The following EYS variants were observed in gnomAD, a reference collection of about 807,000 sequenced individuals.
EYS encodes EGF-like photoreceptor maintenance factor.
A neutral mutation model predicts 282.1 loss-of-function variants in EYS; 250 were observed. That is an observed-to-expected ratio of 0.89 (90% CI 0.80 to 0.98). The LOEUF (loss-of-function observed/expected upper bound fraction) is 0.98, where lower values mean the gene tolerates loss of function less well. Among genes scored for constraint, EYS ranks in the 50% least tolerant of loss-of-function variants. The pLI, the probability that EYS is intolerant of heterozygous loss-of-function variation, is 0.00. For synonymous variants in EYS, 1,355 were observed against 1,282.9 expected, an observed-to-expected ratio of 1.06 and a Z score of -1.20; for missense variants, 4,016 against 3,709.0, an observed-to-expected ratio of 1.08 and a Z score of -2.15.
At chr6:64,092,766 C>A (rs535519357) in intron 31 of EYS, among the ~76,000 whole-genome samples, 31 of 151,444 alleles carry the variant, frequency 2.0e-4, no homozygotes, top group Non-Finnish European at 2.2e-4. Flanking sequence ...AATTAGATCC[C>A]ATTTGTCAAT....
intron 8 of EYS, among the ~76,000 whole-genome samples, chr6:65,365,428 T>G (rs1362088829): frequency 6.6e-6 from 1 of 151,596 alleles, no homozygotes; most frequent in Non-Finnish European, 1.5e-5. Flanking sequence ...CTCCTGTATC[T>G]CCCCCTGTGT....
Position 64,626,174 on chromosome 6 carries a change from T to C in EYS, c.3515A>G (p.His1172Arg). 3.2e-6 allele frequency: 5 copies of C among 1,545,258 alleles called. No individual in the cohort carries two copies. The highest frequency in any genetic ancestry group is 4.4e-6 in the Non-Finnish European group (5 of 1,145,380). ...INECSSSPCL[H>R]GADCEDHING... ...GATGTGATCTTCACAGTCTGCACCATGTAGACATGGTGATGAAGAGCATTC... is the reference window on the plus strand; with the variant it reads ...GATGTGATCTTCACAGTCTGCACCACGTAGACATGGTGATGAAGAGCATTC... Residue 1172 changes from histidine to arginine, a missense_variant, in exon 23 of 43, where the codon CAT becomes CGT. Physicochemically the swap from His to Arg is conservative, Grantham distance 29 (BLOSUM62 0). Coordinates refer to ENST00000503581, the MANE Select transcript of EYS (RefSeq NM_001142800.2).
rs185371095 is a variant in EYS, at chr6:64,230,812, A to G, written c.6204T>C (p.Phe2068=). 1 of 1,543,456 alleles carries G rather than the reference A, an allele frequency of 6.5e-7. No homozygotes were observed. Among genetic ancestry groups the G allele is most frequent in the Admixed American group, 2.0e-5 (1 of 50,900 alleles). The part of the protein sequence containing the change: ...YHINNCRSQG[F]MLSPTASFVD... ...CAAAGGAGGCTGTTGGAGACAGCATAAATCCCTGGGATCTGTGATTTATAA... is the reference window on the plus strand; with the variant it reads ...CAAAGGAGGCTGTTGGAGACAGCATGAATCCCTGGGATCTGTGATTTATAA... The change falls in exon 31 of 43, where the codon TTT becomes TTC. Residue 2068 remains phenylalanine, a synonymous_variant. Coordinates refer to ENST00000503581, the MANE Select transcript of EYS (RefSeq NM_001142800.2).
At chr6:65,685,958 C>T (rs572263690) in intron 1 of EYS, among the ~76,000 whole-genome samples, 1 of 152,032 alleles carries the variant, frequency 6.6e-6, no homozygotes, top group South Asian at 2.1e-4. Context: ...TCCCAGATCT[C>T]CGTTCAAGAC....
intron 19 of EYS, among the ~76,000 whole-genome samples, chr6:64,853,885 A>G (rs1312345435): frequency 6.6e-6 from 1 of 151,998 alleles, no homozygotes; most frequent in African/African-American, 2.4e-5. Context: ...TCTACAAAGA[A>G]CTCAAACAAA....
chr6:65,427,411 T>C (rs529249514), intron 5 of EYS, among the ~76,000 whole-genome samples: 3 of 152,166 alleles, frequency 2.0e-5, no homozygotes, highest in African/African-American at 7.2e-5. Context: ...ATGCATTGAC[T>C]ATCTCATGTT....
intron 26 of EYS, among the ~76,000 whole-genome samples, chr6:64,485,311 A>C (rs942667135): frequency 3.3e-5 from 5 of 151,648 alleles, no homozygotes; most frequent in African/African-American, 1.2e-4. Context: ...GTTTTCTCTA[A>C]GCCATTAGGA....
intron 37 of EYS, among the ~76,000 whole-genome samples, chr6:63,799,610 A>G (rs549900752): frequency 6.6e-6 from 1 of 152,352 alleles, no homozygotes; most frequent in East Asian, 1.9e-4. Flanking sequence ...GGAATCCAAA[A>G]GAAATGGAAA....
chr6:64,575,191 G>A (rs367842593), intron 26 of EYS, among the ~76,000 whole-genome samples: 20 of 152,104 alleles, frequency 1.3e-4, no homozygotes, highest in African/African-American at 4.8e-4. Flanking sequence ...ATTATACACA[G>A]AATTTTATCC....
intron 2 of EYS, among the ~76,000 whole-genome samples, chr6:65,610,266 G>C (rs72882242): frequency 0.027 from 4,164 of 151,792 alleles, 66 homozygotes; most frequent in South Asian, 0.043. Context: ...GTATTGTGTT[G>C]TTCTTTTTTT....
In EYS at chr6:64,638,935, C is replaced by A. The variant is rs1768049604; in HGVS notation, c.3444-12690G>T. On this transcript the variant is annotated intron_variant, in intron 22 of 42. Transcript: ENST00000503581. Reference sequence around the variant, plus strand: ...AATTCTTTCCTTGTTTACCTCCCTGCCCCCTCTAGTAGATTTTCAGGGTTG... The same window carrying A: ...AATTCTTTCCTTGTTTACCTCCCTGACCCCTCTAGTAGATTTTCAGGGTTG... Among the ~76,000 whole-genome samples, 2 of 87,572 alleles carry A rather than the reference C, an allele frequency of 2.3e-5. 1 individual carries two copies. Among genetic ancestry groups the A allele is most frequent in the South Asian group, 8.9e-4 (2 of 2,236 alleles). 57.5% of individuals were successfully genotyped at this position (87,572 alleles called of 152,430 possible).
chr6:65,597,325 A>G (rs1765443377), intron 2 of EYS, among the ~76,000 whole-genome samples: 1 of 152,042 alleles, frequency 6.6e-6, no homozygotes, highest in African/African-American at 2.4e-5. Flanking sequence ...CCTCGCCCAG[A>G]GTAATGTTCC....
intron 13 of EYS, among the ~76,000 whole-genome samples, chr6:65,045,258 T>G (rs1773068607): frequency 1.3e-5 from 2 of 151,928 alleles, no homozygotes; most frequent in Admixed American, 1.3e-4. Context: ...AATACAATTT[T>G]CATAGTGCAA....
intron 5 of EYS, among the ~76,000 whole-genome samples, chr6:65,476,723 C>T (rs1171827481): frequency 1.1e-4 from 17 of 152,038 alleles, no homozygotes; most frequent in African/African-American, 3.4e-4. Flanking sequence ...ACTACAGGCG[C>T]GTGCCACCAG....
intron 30 of EYS, among the ~76,000 whole-genome samples, chr6:64,294,097 G>GGTGAAAATA (rs3072590): frequency 6.6e-6 from 1 of 152,134 alleles, no homozygotes; most frequent in African/African-American, 2.4e-5. Flanking sequence ...TTAATCCAAA[G>GGTGAAAATA]TTTGTCATAT....
At chr6:64,123,516 G>A (rs1279358189) in intron 31 of EYS, among the ~76,000 whole-genome samples, 10 of 152,194 alleles carry the variant, frequency 6.6e-5, no homozygotes, top group Admixed American at 6.5e-4. Flanking sequence ...TGCAGCACAG[G>A]AGGTGTGAGA....
intron 36 of EYS, among the ~76,000 whole-genome samples, chr6:63,807,087 G>C (rs1770926096): frequency 6.6e-6 from 1 of 152,104 alleles, no homozygotes; most frequent in South Asian, 2.1e-4. Context: ...TTTAACTGAG[G>C]GTTGCTTCTT....
chr6:64,014,309 C>A (rs868462369), intron 33 of EYS, among the ~76,000 whole-genome samples: 42 of 151,340 alleles, frequency 2.8e-4, no homozygotes, highest in South Asian at 1.0e-3. Context: ...TTTTTTTTTA[C>A]AAAGATATGT....
intron 25 of EYS, 104 bp from the exon 26 acceptor site, chr6:64,592,093 C>A: frequency 1.5e-6 from 1 of 663,034 alleles, no homozygotes; most frequent in Non-Finnish European, 2.4e-6. Flanking sequence ...ACCTTACATC[C>A]ATTATATGTA....
Sources: gnomAD v4.1 joint callset for allele counts (sites outside exome capture counted in the v4.1 genomes callset) on GRCh38, gnomAD v4.1.1 for gene constraint, MANE v1.5 for transcripts, NCBI Gene and HGNC (gene_info 2026-07-23, HGNC 2026-07-21) for gene names.